The following UGT1A8 variants were observed in gnomAD, a reference collection of about 807,000 sequenced individuals.
The protein encoded by UGT1A8 is UDP-glucuronosyltransferase 1A8.
UGT1A8 carries 39 observed loss-of-function variants against 45.3 expected under a neutral mutation model. The observed-to-expected ratio is 0.86, with a 90% CI of 0.67 to 1.12. The LOEUF (loss-of-function observed/expected upper bound fraction) is 1.12, where lower values mean the gene tolerates loss of function less well. UGT1A8 is among the 50% of genes most tolerant of loss of function. The pLI is 0.00. For missense variants in UGT1A8, 719 were observed against 664.9 expected (o/e 1.08, Z -0.90); for synonymous variants, 275 against 249.2 (o/e 1.10, Z -0.97).
chr2:233,621,779 G>A (rs967682887), intron 1 of UGT1A8, among the ~76,000 whole-genome samples: 5 of 151,888 alleles, frequency 3.3e-5, no homozygotes, highest in African/African-American at 9.7e-5. Context: ...TGTGCACAAC[G>A]TAAAGGTTTG....
At chr2:233,714,005 A>C in intron 1 of UGT1A8, 1 of 1,542,996 alleles carries the variant, frequency 6.5e-7, no homozygotes, top group Non-Finnish European at 8.7e-7. Context: ...CAGTGAGATA[A>C]ACTTTTAAAG....
rs775056833 is a variant in UGT1A8 at position 233,618,066 on chromosome 2, T to C, written c.359T>C (p.Phe120Ser). Residue 120 changes from phenylalanine to serine, a missense_variant, in exon 1 of 5, where the codon TTT (phenylalanine) becomes TCT (serine). Transcript: ENST00000373450. ...TCATCCAATGGTTTTTTTAACTTATTTTTTTCGCATTGCAGGAGTTTGTTT... is the reference window on the plus strand; with the variant it reads ...TCATCCAATGGTTTTTTTAACTTATCTTTTTCGCATTGCAGGAGTTTGTTT... Reference protein sequence around the residue: ...LSSSNGFFNLFFSHCRSLFND... With the variant: ...LSSSNGFFNLSFSHCRSLFND... 17 of 1,613,888 alleles carry C rather than the reference T, an allele frequency of 1.1e-5. No homozygotes were observed. The African/African-American group carries it at 1.6e-4, about 15-fold the overall frequency.
At chr2:233,705,367 T>C (rs1178136392) in intron 1 of UGT1A8, among the ~76,000 whole-genome samples, 3 of 152,240 alleles carry the variant, frequency 2.0e-5, no homozygotes, top group African/African-American at 7.2e-5. Flanking sequence ...GTTTTGCTTT[T>C]ATTTTGTTTG....
chr2:233,757,549 T>TATATATATATATATATATACATATAC (rs1696618435), intron 1 of UGT1A8, among the ~76,000 whole-genome samples: 1 of 133,968 alleles, frequency 7.5e-6, no homozygotes, highest in Non-Finnish European at 1.6e-5. Context: ...TATATATATA[T>TATATATATATATATATATACATATAC]ATATATATAT....
chr2:233,685,940 A>T (rs1027688022), intron 1 of UGT1A8, among the ~76,000 whole-genome samples: 1 of 152,222 alleles, frequency 6.6e-6, no homozygotes, highest in Non-Finnish European at 1.5e-5. Context: ...GTCTCAAAAA[A>T]GTCTTTTATA....
chr2:233,650,159 A>G (rs1193246928), intron 1 of UGT1A8, among the ~76,000 whole-genome samples: 2 of 152,100 alleles, frequency 1.3e-5, no homozygotes, highest in East Asian at 3.9e-4. Context: ...TAGTAGAGGC[A>G]GGGTTTCTCC....
At chr2:233,765,641 G>C (rs914163891) in intron 1 of UGT1A8, among the ~76,000 whole-genome samples, 18 of 151,492 alleles carry the variant, frequency 1.2e-4, no homozygotes, top group Admixed American at 9.9e-4. Flanking sequence ...TTAGAGGATA[G>C]GTCAATAGGT....
intron 1 of UGT1A8, among the ~76,000 whole-genome samples, chr2:233,738,047 C>A (rs1690670574): frequency 6.6e-6 from 1 of 152,068 alleles, no homozygotes; most frequent in Admixed American, 6.6e-5. Flanking sequence ...GTGTTGAGGA[C>A]AGGACATGGT....
At chr2:233,639,919 G>A (rs2073405750) in intron 1 of UGT1A8, among the ~76,000 whole-genome samples, 1 of 152,192 alleles carries the variant, frequency 6.6e-6, no homozygotes, top group South Asian at 2.1e-4. Context: ...GAGAAAAAGA[G>A]GAAGTCACTC....
At position 233,772,264 on chromosome 2, in the gene UGT1A8, A is replaced by T. The variant is rs766626435; in HGVS notation, c.1298A>T (p.Tyr433Phe). ...AACGAAACTGTCTTTGTGTTTAGTTACAAGGAGAACATCATGCGCCTCTCC... is the reference window on the plus strand; with the variant it reads ...AACGAAACTGTCTTTGTGTTTAGTTTCAAGGAGAACATCATGCGCCTCTCC... ...ALKAVINDKSYKENIMRLSSL... is the reference protein window; with the variant it reads ...ALKAVINDKSFKENIMRLSSL... The change falls in exon 5 of 5, where the codon TAC (tyrosine) becomes TTC (phenylalanine). Residue 433 changes from tyrosine (Y) to phenylalanine (F), a missense_variant and splice_region_variant. Transcript: ENST00000373450. 1.9e-6 allele frequency: 3 copies of T among 1,614,262 alleles called. No individual in the cohort carries two copies. Among genetic ancestry groups the T allele is most frequent in the Non-Finnish European group, 2.5e-6 (3 of 1,180,060 alleles).
chr2:233,678,981 G>C (rs369461061), intron 1 of UGT1A8, among the ~76,000 whole-genome samples: 1 of 152,188 alleles, frequency 6.6e-6, no homozygotes, highest in Non-Finnish European at 1.5e-5. Flanking sequence ...GGCTTTCAAA[G>C]CTCTTTCTAT....
At chr2:233,755,297 A>G in intron 1 of UGT1A8, 2 of 623,206 alleles carry the variant, frequency 3.2e-6, no homozygotes, top group East Asian at 6.1e-5. Context: ...CCTGCGGGGC[A>G]CTGGCACAGC....
chr2:233,693,809 C>T, intron 1 of UGT1A8: 1 of 1,614,184 alleles, frequency 6.2e-7, no homozygotes, highest in South Asian at 1.1e-5. Context: ...GCCGGTCATG[C>T]CCAACATGGT....
intron 1 of UGT1A8, among the ~76,000 whole-genome samples, chr2:233,677,134 G>A (rs28970014): frequency 0.028 from 4,186 of 152,208 alleles, 180 homozygotes; most frequent in African/African-American, 0.096. Context: ...ATCAACTGGG[G>A]AGAAACAACA....
At chr2:233,757,306 A>T (rs894592007) in intron 1 of UGT1A8, among the ~76,000 whole-genome samples, 3 of 7,676 alleles carry the variant, frequency 3.9e-4, no homozygotes, top group African/African-American at 1.0e-3. Context: ...GTTGGGGGAC[A>T]GGGGGGCTGG....
rs758216635 is a variant in UGT1A8 at position 233,672,568 on chromosome 2, A to C, written c.855+54006A>C. The C allele has an allele frequency of 1.9e-6, 3 of 1,613,800 alleles. No homozygotes were observed. The Admixed American group carries it at 5.0e-5, about 27-fold the overall frequency. On this transcript the variant is annotated intron_variant, in intron 1 of 4. Coordinates refer to ENST00000373450, the MANE Select transcript of UGT1A8 (RefSeq NM_019076.5). ...CAAGGAGAGAGTACGGAACCACATC[A>C]TGCACTTGGAGGAACATTTATTATG...
intron 1 of UGT1A8, among the ~76,000 whole-genome samples, chr2:233,720,641 G>C (rs1280167515): frequency 6.6e-6 from 1 of 151,852 alleles, no homozygotes; most frequent in Non-Finnish European, 1.5e-5. Context: ...AGTACTCTGG[G>C]ATGTGAAAAA....
chr2:233,669,985 C>T (rs967893006), intron 1 of UGT1A8, among the ~76,000 whole-genome samples: 3 of 152,100 alleles, frequency 2.0e-5, no homozygotes, highest in Admixed American at 6.5e-5. Flanking sequence ...ACGCCCAGCA[C>T]ACATAGAATT....
intron 1 of UGT1A8, among the ~76,000 whole-genome samples, chr2:233,627,402 T>C: frequency 6.6e-6 from 1 of 152,038 alleles, no homozygotes; most frequent in East Asian, 1.9e-4. Flanking sequence ...AGTTTTAGAT[T>C]CTTCACCTCT....
Sources: allele counts gnomAD v4.1 joint callset (sites outside exome capture counted in the v4.1 genomes callset), GRCh38; gene constraint gnomAD v4.1.1; transcripts MANE v1.5; gene names NCBI Gene and HGNC (gene_info 2026-07-23, HGNC 2026-07-21).